Variants in ZSCAN30 observed in about 807,000 individuals in gnomAD.
The protein encoded by ZSCAN30 is zinc finger and SCAN domain containing 30.
In ZSCAN30, 37 loss-of-function variants were observed where a neutral mutation model predicts 44.3. That is an observed-to-expected ratio of 0.84 (90% CI 0.64 to 1.10). The LOEUF (loss-of-function observed/expected upper bound fraction) is 1.10, where lower values mean the gene tolerates loss of function less well. ZSCAN30 is among the 50% of genes least tolerant of loss of function. The probability of loss-of-function intolerance (pLI) is 0.00; values close to 1 mark genes in which losing one functional copy is unlikely to be tolerated. For synonymous variants in ZSCAN30, 181 were observed against 204.6 expected, an observed-to-expected ratio of 0.88 and a Z score of 0.98; for missense variants, 549 against 582.6, an observed-to-expected ratio of 0.94 and a Z score of 0.59.
chr18:35,269,992 A>G (rs2044238177), intron 1 of ZSCAN30: 1 of 152,236 alleles, frequency 6.6e-6, no homozygotes, highest in Non-Finnish European at 1.5e-5. Flanking sequence ...TTTAATGAAC[A>G]GATGAATACC....
intron 1 of ZSCAN30, among the ~76,000 whole-genome samples, chr18:35,267,324 G>A (rs904436209): frequency 6.6e-6 from 1 of 152,192 alleles, no homozygotes; most frequent in Non-Finnish European, 1.5e-5. Context: ...TGGATGGCGG[G>A]ACTGACCGAC....
chr18:35,256,947 A>C (rs1205008667), intron 3 of ZSCAN30: 2 of 152,948 alleles, frequency 1.3e-5, no homozygotes, highest in East Asian at 1.9e-4. Context: ...TTAATTAAAA[A>C]ATTTTTTTTG....
At chr18:35,287,991 G>A (rs978030976) in intron 1 of ZSCAN30, among the ~76,000 whole-genome samples, 1 of 150,960 alleles carries the variant, frequency 6.6e-6, no homozygotes, top group Non-Finnish European at 1.5e-5. Flanking sequence ...TCCCACCTCA[G>A]CCTCCCAAGT....
intron 3 of ZSCAN30, chr18:35,262,945 T>C (rs2044057108): frequency 6.0e-6 from 1 of 165,560 alleles, no homozygotes; most frequent in African/African-American, 2.4e-5. Context: ...ACTTAGTAGT[T>C]AATAATTCTT....
intron 1 of ZSCAN30, among the ~76,000 whole-genome samples, chr18:35,271,784 T>C (rs1020244688): frequency 6.6e-6 from 1 of 152,172 alleles, no homozygotes; most frequent in Non-Finnish European, 1.5e-5. Context: ...GGGCTGCAGG[T>C]CCTAAGCCCT....
chr18:35,285,506 G>A (rs910360003), intron 1 of ZSCAN30, among the ~76,000 whole-genome samples: 3 of 152,092 alleles, frequency 2.0e-5, no homozygotes, highest in Admixed American at 6.6e-5. Context: ...GGCCATTAAT[G>A]AGTCTCAATA....
intron 1 of ZSCAN30, among the ~76,000 whole-genome samples, chr18:35,264,898 G>C (rs1013305295): frequency 1.3e-5 from 2 of 152,108 alleles, no homozygotes; most frequent in African/African-American, 4.8e-5. Flanking sequence ...TGTAATCCTA[G>C]CACTTTGGGA....
intron 1 of ZSCAN30, among the ~76,000 whole-genome samples, chr18:35,265,261 A>G (rs1056408155): frequency 3.3e-5 from 5 of 152,188 alleles, no homozygotes; most frequent in East Asian, 3.9e-4. Context: ...AGCTCTTTCT[A>G]TTATGCTATG....
chr18:35,263,095 G>A, intron 3 of ZSCAN30: 2 of 302,486 alleles, frequency 6.6e-6, no homozygotes, highest in Non-Finnish European at 1.3e-5. Context: ...TGGATATTTA[G>A]CCAGGCATGG....
chr18:35,270,872 GTTTC>G (rs987513337), intron 1 of ZSCAN30, among the ~76,000 whole-genome samples: 1 of 152,226 alleles, frequency 6.6e-6, no homozygotes, highest in African/African-American at 2.4e-5. Context: ...CATGTTCAGA[GTTTC>G]TTTCTTCTGA....
chr18:35,277,043 A>G (rs1034455125), intron 1 of ZSCAN30, among the ~76,000 whole-genome samples: 32 of 152,316 alleles, frequency 2.1e-4, no homozygotes, highest in African/African-American at 7.5e-4. Flanking sequence ...GTCAAAGGAG[A>G]TCATTTCAGA....
chr18:35,253,846 T>C lies in ZSCAN30; in HGVS notation c.1089A>G (p.Gly363=). 1 of 1,614,220 alleles carries C rather than the reference T, an allele frequency of 6.2e-7. No homozygotes were observed. The highest frequency in any genetic ancestry group is 2.2e-5 in the East Asian group (1 of 44,886). The change falls in exon 4 of 4, where the codon GGA becomes GGG. Residue 363 remains glycine (G), a synonymous_variant. Coordinates refer to ENST00000333206, the MANE Select transcript of ZSCAN30 (RefSeq NM_001112734.4). The part of the protein sequence containing the change: ...GEKPYECCEC[G]KAFRGSSELI... ...GCTCTGAACTGCCCCTGAAGGCTTT[T>C]CCACATTCACAACATTCATAGGGTT...
Position 35,270,423 on chromosome 18 carries a change from T to C in ZSCAN30, c.-103-5968A>G, listed in dbSNP as rs77538650. On this transcript the variant is annotated intron_variant, in intron 1 of 3. Transcript: ENST00000333206. ...CCTCTGTATCTCTTATCTGCTCTTTTTAATTTTTGTTTCTCATTTGCATAT... is the reference window on the plus strand; with the variant it reads ...CCTCTGTATCTCTTATCTGCTCTTTCTAATTTTTGTTTCTCATTTGCATAT... Among the ~76,000 whole-genome samples the C allele has an allele frequency of 2.6e-3, 392 of 152,268 alleles. 2 individuals are homozygous for C. Among genetic ancestry groups the C allele is most frequent in the African/African-American group, 9.2e-3 (382 of 41,568 alleles).
intron 3 of ZSCAN30, chr18:35,263,255 AAG>A: frequency 2.2e-6 from 1 of 446,276 alleles, no homozygotes; most frequent in Non-Finnish European, 3.9e-6. Context: ...AAAAAAAAAA[AAG>A]AAAAAAGAAA....
At chr18:35,287,230 T>C (rs2044567855) in intron 1 of ZSCAN30, among the ~76,000 whole-genome samples, 1 of 152,140 alleles carries the variant, frequency 6.6e-6, no homozygotes, top group Non-Finnish European at 1.5e-5. Context: ...CTTTAACATG[T>C]CAATTCTCCC....
At chr18:35,280,408 A>G (rs934034221) in intron 1 of ZSCAN30, among the ~76,000 whole-genome samples, 1 of 152,158 alleles carries the variant, frequency 6.6e-6, no homozygotes, top group Non-Finnish European at 1.5e-5. Context: ...AAACACACAC[A>G]TACACACACA....
At chr18:35,259,367 T>C (rs1395283935) in intron 3 of ZSCAN30, 1 of 152,178 alleles carries the variant, frequency 6.6e-6, no homozygotes, top group Non-Finnish European at 1.5e-5. Flanking sequence ...AATTTTTGTA[T>C]TTTTAGTAAA....
At chr18:35,274,713 A>G (rs1273602388) in intron 1 of ZSCAN30, among the ~76,000 whole-genome samples, 2 of 152,184 alleles carry the variant, frequency 1.3e-5, no homozygotes, top group Non-Finnish European at 2.9e-5. Context: ...CACTGGACTT[A>G]GATCATTTCT....
In ZSCAN30 at chr18:35,273,044, A is replaced by G. The variant is rs146915660; in HGVS notation, c.-103-8589T>C. 2.9e-3 allele frequency among the ~76,000 whole-genome samples: 442 copies of G among 152,348 alleles called. 3 individuals are homozygous for G. The highest frequency in any genetic ancestry group is 0.01 in the African/African-American group (430 of 41,580). ...GGGAATTATGGGAGTACAATTCAAGATGAGATCTGGGTGGGGACACAGAGC... is the reference window on the plus strand; with the variant it reads ...GGGAATTATGGGAGTACAATTCAAGGTGAGATCTGGGTGGGGACACAGAGC... On this transcript the variant is annotated intron_variant, in intron 1 of 3. Coordinates refer to ENST00000333206, the MANE Select transcript of ZSCAN30 (RefSeq NM_001112734.4).
Sources: allele counts gnomAD v4.1 joint callset (sites outside exome capture counted in the v4.1 genomes callset), GRCh38; gene constraint gnomAD v4.1.1; transcripts MANE v1.5; gene names NCBI Gene and HGNC (gene_info 2026-07-23, HGNC 2026-07-21).